The following TMTC2 variants were observed in gnomAD, a reference collection of about 807,000 sequenced individuals.
TMTC2 encodes transmembrane O-mannosyltransferase targeting cadherins 2.
A neutral mutation model predicts 82.4 loss-of-function variants in TMTC2; 43 were observed. The ratio of observed to expected loss-of-function variants is 0.52; its 90% confidence interval spans 0.41 to 0.67. The LOEUF (loss-of-function observed/expected upper bound fraction) is 0.67. Ranked by LOEUF, TMTC2 falls within the 30% of genes least tolerant of loss-of-function variation. TMTC2 has a pLI of 0.00. For missense variants in TMTC2, 919 were observed against 1,012.4 expected (o/e 0.91, Z 1.25); for synonymous variants, 408 against 381.9 (o/e 1.07, Z -0.80).
chr12:83,044,256 A>G (rs138001621), intron 9 of TMTC2, among the ~76,000 whole-genome samples: 220 of 152,342 alleles, frequency 1.4e-3, no homozygotes, highest in African/African-American at 5.2e-3. Flanking sequence ...ACATACATTT[A>G]TTAAATCTCC....
chr12:83,099,782 T>C (rs1029326800), intron 11 of TMTC2, among the ~76,000 whole-genome samples: 1 of 152,144 alleles, frequency 6.6e-6, no homozygotes, highest in Non-Finnish European at 1.5e-5. Context: ...TTGCAAATAA[T>C]GTATTCTCAC....
chr12:82,926,597 A>G (rs1227844277), intron 3 of TMTC2, among the ~76,000 whole-genome samples: 1 of 152,244 alleles, frequency 6.6e-6, no homozygotes, highest in Non-Finnish European at 1.5e-5. Flanking sequence ...TTCAGTGTAT[A>G]CAAAACAGAT....
At chr12:83,077,435 C>T (rs768971466) in intron 11 of TMTC2, among the ~76,000 whole-genome samples, 1 of 152,126 alleles carries the variant, frequency 6.6e-6, no homozygotes, top group Non-Finnish European at 1.5e-5. Context: ...TTCATCAAAC[C>T]TACCATAAAA....
chr12:82,930,229 A>T (rs1462201782), intron 3 of TMTC2, among the ~76,000 whole-genome samples: 1 of 152,152 alleles, frequency 6.6e-6, no homozygotes, highest in East Asian at 1.9e-4. Context: ...GAGACATAAT[A>T]ATTACTTTAA....
At chr12:83,001,042 C>G (rs1408736971) in intron 8 of TMTC2, among the ~76,000 whole-genome samples, 1 of 152,110 alleles carries the variant, frequency 6.6e-6, no homozygotes, top group East Asian at 1.9e-4. Context: ...CTGGGCCGGA[C>G]TCACAAAACC....
intron 1 of TMTC2, among the ~76,000 whole-genome samples, chr12:82,692,776 C>T (rs979351901): frequency 1.6e-4 from 24 of 152,172 alleles, no homozygotes; most frequent in Admixed American, 6.5e-5. Context: ...ATGTAAAGAC[C>T]TCTCCTCTAT....
intron 1 of TMTC2, among the ~76,000 whole-genome samples, chr12:82,724,115 A>G (rs988030670): frequency 5.3e-5 from 8 of 152,228 alleles, no homozygotes; most frequent in African/African-American, 1.2e-4. Flanking sequence ...TCTCTCTGAC[A>G]CAGCTCACGT....
At chr12:82,937,598 T>C (rs908232195) in intron 4 of TMTC2, among the ~76,000 whole-genome samples, 3 of 151,752 alleles carry the variant, frequency 2.0e-5, no homozygotes, top group South Asian at 2.1e-4. Context: ...GTAGCTTCAG[T>C]GTAAAAGAGA....
chr12:82,728,779 G>A (rs542594593), intron 1 of TMTC2, among the ~76,000 whole-genome samples: 4 of 152,354 alleles, frequency 2.6e-5, no homozygotes, highest in Admixed American at 6.5e-5. Flanking sequence ...AGGCAGAGGC[G>A]TGGGCAGGAA....
chr12:83,004,330 A>T (rs1242967365), intron 8 of TMTC2, among the ~76,000 whole-genome samples: 1 of 152,128 alleles, frequency 6.6e-6, no homozygotes, highest in Non-Finnish European at 1.5e-5. Flanking sequence ...TTTCTTCTAG[A>T]TCTCATTGAG....
At chr12:83,046,190 G>A (rs1882120718) in intron 9 of TMTC2, among the ~76,000 whole-genome samples, 1 of 152,096 alleles carries the variant, frequency 6.6e-6, no homozygotes, top group Non-Finnish European at 1.5e-5. Context: ...ATACGGATTC[G>A]CCACAATGCC....
chr12:82,761,758 G>A (rs936152472), intron 1 of TMTC2, among the ~76,000 whole-genome samples: 1 of 152,064 alleles, frequency 6.6e-6, no homozygotes, highest in Non-Finnish European at 1.5e-5. Flanking sequence ...TGTCAGTGAA[G>A]GGTTTGCAGT....
chr12:82,699,843 G>A (rs1040715071), intron 1 of TMTC2, among the ~76,000 whole-genome samples: 1 of 152,014 alleles, frequency 6.6e-6, no homozygotes, highest in Non-Finnish European at 1.5e-5. Flanking sequence ...CACATACCTG[G>A]GTTCTGCATC....
At chr12:82,734,078 G>C (rs898397037) in intron 1 of TMTC2, among the ~76,000 whole-genome samples, 1 of 152,234 alleles carries the variant, frequency 6.6e-6, no homozygotes, top group Non-Finnish European at 1.5e-5. Context: ...GCCTTGGGCA[G>C]ATCACATCAG....
intron 9 of TMTC2, among the ~76,000 whole-genome samples, chr12:83,040,736 A>AGC (rs1309021249): frequency 4.0e-5 from 6 of 149,630 alleles, no homozygotes; most frequent in African/African-American, 1.5e-4. Context: ...CCCAGGCTGA[A>AGC]GCGCAGTGGC....
At chr12:82,964,619 G>C (rs1878104250) in intron 4 of TMTC2, among the ~76,000 whole-genome samples, 1 of 152,088 alleles carries the variant, frequency 6.6e-6, no homozygotes, top group Non-Finnish European at 1.5e-5. Context: ...CAGCTAGTGA[G>C]AGAGGCATCT....
chr12:82,899,857 A>C (rs967540749), intron 3 of TMTC2, among the ~76,000 whole-genome samples: 2 of 144,566 alleles, frequency 1.4e-5, no homozygotes, highest in Admixed American at 1.4e-4. Context: ...GAATATAGAT[A>C]TGTAGGAATA....
At chr12:82,795,165 C>T (rs1439256693) in intron 1 of TMTC2, among the ~76,000 whole-genome samples, 1 of 151,730 alleles carries the variant, frequency 6.6e-6, no homozygotes, top group Non-Finnish European at 1.5e-5. Flanking sequence ...ATTAGCTGGG[C>T]TTGGTGGCAC....
chr12:83,016,191 G>A (rs949109395), intron 8 of TMTC2, among the ~76,000 whole-genome samples: 2 of 152,156 alleles, frequency 1.3e-5, no homozygotes, highest in Non-Finnish European at 2.9e-5. Context: ...TTTGTAAGCT[G>A]CTGGTCCTTT....
Sources: allele counts gnomAD v4.1 joint callset (sites outside exome capture counted in the v4.1 genomes callset), GRCh38; gene constraint gnomAD v4.1.1; transcripts MANE v1.5; gene names NCBI Gene and HGNC (gene_info 2026-07-23, HGNC 2026-07-21).